The following HS3ST3A1 variants were observed in gnomAD, a reference collection of about 807,000 sequenced individuals.
The protein encoded by HS3ST3A1 is heparan sulfate-glucosamine 3-sulfotransferase 3A1, also known as heparan sulfate glucosamine 3-O-sulfotransferase 3A1.
In HS3ST3A1, 19 loss-of-function variants were observed where a neutral mutation model predicts 25.7. The observed-to-expected ratio is 0.74, with a 90% CI of 0.52 to 1.08. HS3ST3A1 has a LOEUF of 1.08. Among genes scored for constraint, HS3ST3A1 ranks in the 50% least tolerant of loss-of-function variants. The pLI, the probability that HS3ST3A1 is intolerant of heterozygous loss-of-function variation, is 0.00. For synonymous variants in HS3ST3A1, 226 were observed against 278.6 expected (o/e 0.81, Z 1.88); for missense variants, 459 against 594.3 (o/e 0.77, Z 2.37).
chr17:13,502,360 A>G (rs531265523), intron 1 of HS3ST3A1, among the ~76,000 whole-genome samples: 1 of 152,312 alleles, frequency 6.6e-6, no homozygotes, highest in South Asian at 2.1e-4. Flanking sequence ...CGATGGTCCA[A>G]GAGGCAAGCC....
chr17:13,506,235 A>G (rs534959710), intron 1 of HS3ST3A1, among the ~76,000 whole-genome samples: 1 of 152,258 alleles, frequency 6.6e-6, no homozygotes, highest in African/African-American at 2.4e-5. Context: ...GAATAGGAAT[A>G]AGGATTTCAG....
At chr17:13,586,094 G>A (rs546834949) in intron 1 of HS3ST3A1, among the ~76,000 whole-genome samples, 8 of 151,710 alleles carry the variant, frequency 5.3e-5, no homozygotes, top group South Asian at 2.1e-4. Context: ...TGATCCGCCC[G>A]CCTCAGCCTC....
intron 1 of HS3ST3A1, among the ~76,000 whole-genome samples, chr17:13,589,376 C>G (rs1174252034): frequency 6.6e-6 from 1 of 152,170 alleles, no homozygotes; most frequent in African/African-American, 2.4e-5. Flanking sequence ...TCATCACAAG[C>G]TTTAGCTCCC....
At chr17:13,578,387 A>G (rs1908001645) in intron 1 of HS3ST3A1, among the ~76,000 whole-genome samples, 1 of 127,192 alleles carries the variant, frequency 7.9e-6, no homozygotes, top group Admixed American at 7.6e-5. Flanking sequence ...CGTCTCTACA[A>G]AAATACAAAA....
At position 13,585,840 on chromosome 17, in the gene HS3ST3A1, GTTTTT is replaced by G. The variant is rs1207776880; in HGVS notation, c.599+14686_599+14690del. ...TGAGACCTGTTATTCCTCCTTCTGC[GTTTTT>G]TTTTTTTTTTTTTTTTTTTTTTCTG... is the stretch of plus-strand genomic sequence containing the variant. On this transcript the variant is annotated intron_variant, in intron 1 of 1. Transcript: ENST00000284110. 4.8e-5 allele frequency among the ~76,000 whole-genome samples: 3 copies of G among 62,024 alleles called. 1 individual carries two copies. The highest frequency in any genetic ancestry group is 9.6e-3 in the Middle Eastern group (1 of 104). 40.7% of individuals were successfully genotyped at this position (62,024 alleles called of 152,430 possible).
In HS3ST3A1 at chr17:13,601,256, C is replaced by A; in HGVS notation, c.-127G>T. 1 of 699,326 alleles carries A rather than the reference C, an allele frequency of 1.4e-6. No individual in the cohort carries two copies. 43.3% of individuals were successfully genotyped at this position (699,326 alleles called of 1,614,324 possible). On this transcript the variant is annotated 5_prime_UTR_variant, in exon 1 of 2. Transcript: ENST00000284110. Reference sequence around the variant, plus strand: ...CCACATCGCCGTGCGCCCCTGTGGCCGTGCGAACTGTCCCGGGAGGCAGCG... The same window carrying A: ...CCACATCGCCGTGCGCCCCTGTGGCAGTGCGAACTGTCCCGGGAGGCAGCG...
At chr17:13,525,656 A>G (rs1906388599) in intron 1 of HS3ST3A1, among the ~76,000 whole-genome samples, 1 of 152,154 alleles carries the variant, frequency 6.6e-6, no homozygotes, top group South Asian at 2.1e-4. Flanking sequence ...AGGGTCAGGA[A>G]GGCAGGACAT....
chr17:13,513,956 T>C (rs1905963746), intron 1 of HS3ST3A1, among the ~76,000 whole-genome samples: 1 of 152,126 alleles, frequency 6.6e-6, no homozygotes, highest in South Asian at 2.1e-4. Context: ...ATATATTTTC[T>C]CATACACTCC....
intron 1 of HS3ST3A1, among the ~76,000 whole-genome samples, chr17:13,524,475 G>A (rs1906346946): frequency 6.6e-6 from 1 of 152,192 alleles, no homozygotes; most frequent in East Asian, 1.9e-4. Flanking sequence ...CCAGGGGGAG[G>A]ACTCTGGTGA....
chr17:13,499,406 G>A (rs1049118106), intron 1 of HS3ST3A1, among the ~76,000 whole-genome samples: 2 of 152,194 alleles, frequency 1.3e-5, no homozygotes, highest in East Asian at 3.8e-4. Context: ...GGCTTGGAAA[G>A]CAATCATCAA....
Position 13,586,871 on chromosome 17 carries a change from C to CAAAA in HS3ST3A1, c.599+13656_599+13659dup, listed in dbSNP as rs57580843. On this transcript the variant is annotated intron_variant, in intron 1 of 1. Transcript: ENST00000284110. ...GGCGACAGAGAGAGACTCTGTCTCACAAAAAAAAAAAAAAAAAAAAAAAAA... is the reference window on the plus strand; with the variant it reads ...GGCGACAGAGAGAGACTCTGTCTCACAAAAAAAAAAAAAAAAAAAAAAAAAAAAA... 8.9e-5 allele frequency among the ~76,000 whole-genome samples: 4 copies of CAAAA among 44,702 alleles called. 1 individual carries two copies. The highest frequency in any genetic ancestry group is 5.7e-4 in the African/African-American group (4 of 7,040). The allele number at this position is 44,702 out of a possible 152,430, so 29.3% of individuals were successfully genotyped here.
intron 1 of HS3ST3A1, among the ~76,000 whole-genome samples, chr17:13,565,391 GC>G (rs1189060919): frequency 2.6e-5 from 4 of 152,050 alleles, no homozygotes; most frequent in African/African-American, 9.7e-5. Context: ...AATTAGCTCG[GC>G]ATGGTGGCTT....
chr17:13,568,251 T>C (rs1907723660), intron 1 of HS3ST3A1, among the ~76,000 whole-genome samples: 1 of 152,234 alleles, frequency 6.6e-6, no homozygotes, highest in African/African-American at 2.4e-5. Context: ...TTTTTAGACA[T>C]AATTACATAG....
At chr17:13,520,391 T>C (rs1438767640) in intron 1 of HS3ST3A1, among the ~76,000 whole-genome samples, 1 of 152,178 alleles carries the variant, frequency 6.6e-6, no homozygotes, top group East Asian at 1.9e-4. Context: ...CCTTTGAAAA[T>C]TGTATCAGTC....
chr17:13,530,261 T>C (rs1289958008), intron 1 of HS3ST3A1, among the ~76,000 whole-genome samples: 1 of 152,178 alleles, frequency 6.6e-6, no homozygotes, highest in Non-Finnish European at 1.5e-5. Flanking sequence ...TCACTAATCA[T>C]TTGAGGTATA....
At chr17:13,561,590 C>T (rs755563974) in intron 1 of HS3ST3A1, among the ~76,000 whole-genome samples, 28 of 152,024 alleles carry the variant, frequency 1.8e-4, no homozygotes, top group Non-Finnish European at 3.5e-4. Context: ...GACGGGGTTT[C>T]GCCATGTTGG....
At chr17:13,554,723 G>A (rs1172368361) in intron 1 of HS3ST3A1, among the ~76,000 whole-genome samples, 2 of 152,146 alleles carry the variant, frequency 1.3e-5, no homozygotes, top group African/African-American at 2.4e-5. Flanking sequence ...TTTCAAGCAC[G>A]AAGAGGAAAT....
rs766844849 is a variant in HS3ST3A1 at position 13,495,143 on chromosome 17, CT to C, written c.*1053del. Reference sequence around the variant, plus strand: ...TGTAAGTGCTAATTGAAATCTGTTTCTTTTTTTTTTTTAAAGTCAATTAAAT... The same window carrying C: ...TGTAAGTGCTAATTGAAATCTGTTTCTTTTTTTTTTTAAAGTCAATTAAAT... On this transcript the variant is annotated 3_prime_UTR_variant, in exon 2 of 2. Transcript: ENST00000284110. Among the ~76,000 whole-genome samples, 489 of 145,866 alleles carry C rather than the reference CT, an allele frequency of 3.4e-3. 2 individuals are homozygous for C. The highest frequency in any genetic ancestry group is 6.5e-3 in the African/African-American group (259 of 40,052).
chr17:13,506,334 T>C (rs1346115125), intron 1 of HS3ST3A1, among the ~76,000 whole-genome samples: 1 of 152,190 alleles, frequency 6.6e-6, no homozygotes, highest in Non-Finnish European at 1.5e-5. Context: ...AAAAAAAGTT[T>C]ATTGTCCTCA....
Sources: gnomAD v4.1 joint callset for allele counts (sites outside exome capture counted in the v4.1 genomes callset) on GRCh38, gnomAD v4.1.1 for gene constraint, MANE v1.5 for transcripts, NCBI Gene and HGNC (gene_info 2026-07-23, HGNC 2026-07-21) for gene names.